The following KRT26 variants were observed in gnomAD, a reference collection of about 807,000 sequenced individuals.
KRT26 encodes the protein keratin 26.
Under a neutral mutation model 46.1 loss-of-function variants are expected in KRT26, and 45 were observed. That is an observed-to-expected ratio of 0.98 (90% CI 0.77 to 1.25). KRT26 has a LOEUF of 1.25. Ranked by LOEUF, KRT26 falls within the 50% of genes most tolerant of loss-of-function variation. The pLI, the probability that KRT26 is intolerant of heterozygous loss-of-function variation, is 0.00. For synonymous variants in KRT26, 191 were observed against 209.9 expected (o/e 0.91, Z 0.78); for missense variants, 582 against 560.1 (o/e 1.04, Z -0.39).
chr17:40,771,905 CCAGCA>C lies in KRT26; in HGVS notation c.204_208del (p.Cys68TrpfsTer6). The C allele has an allele frequency of 1.9e-6, 3 of 1,614,148 alleles. No individual in the cohort carries two copies. Among genetic ancestry groups the C allele is most frequent in the Non-Finnish European group, 2.5e-6 (3 of 1,180,020 alleles). On this transcript the variant is annotated frameshift_variant, in exon 1 of 8. Transcript: ENST00000335552. LOFTEE classifies it high-confidence loss of function. ...GAGGCTGTGCTCATTGCCAAGAAAA[CCAGCA>C]CAGGCACCACTTCCCAACCCTCCAC...
At position 40,771,705 on chromosome 17, in the gene KRT26, A is replaced by T. The variant is rs755325810; in HGVS notation, c.409T>A (p.Tyr137Asn). The change falls in exon 1 of 8, where the codon TAC (tyrosine) becomes AAC (asparagine). Residue 137 changes from tyrosine to asparagine, a missense_variant. Physicochemically the swap from Tyr to Asn is moderately radical, Grantham distance 143. Transcript: ENST00000335552. Reference sequence around the variant, plus strand: ...TTAAGATCTTCTATGACTGAGAAGTATCTGCTATAGTCATGATCGTGTTCC... The same window carrying T: ...TTAAGATCTTCTATGACTGAGAAGTTTCTGCTATAGTCATGATCGTGTTCC... 6 of 1,613,936 alleles carry T rather than the reference A, an allele frequency of 3.7e-6. No individual in the cohort carries two copies. The highest frequency in any genetic ancestry group is 1.1e-5 in the South Asian group (1 of 91,076).
chr17:40,766,714 A>C, intron 7 of KRT26, 48 bp from the exon 8 acceptor site: 1 of 1,370,082 alleles, frequency 7.3e-7, no homozygotes, highest in Non-Finnish European at 1.0e-6. Context: ...TAACAGGTTG[A>C]AAAGTAGCCA....
In KRT26 at chr17:40,771,245, G is replaced by T; in HGVS notation, c.442-9C>A. Reference sequence around the variant, plus strand: ...ATGGTCGCAGAAATAATCTAAATAGGGAAGATTGTGAAAAATGTTAATTAC... The same window carrying T: ...ATGGTCGCAGAAATAATCTAAATAGTGAAGATTGTGAAAAATGTTAATTAC... On this transcript the variant is annotated splice_polypyrimidine_tract_variant and intron_variant, in intron 1 of 7. Transcript: ENST00000335552. 6.6e-7 allele frequency: 1 copy of T among 1,518,346 alleles called. No homozygotes were observed. Among genetic ancestry groups the T allele is most frequent in the Non-Finnish European group, 9.1e-7 (1 of 1,101,178 alleles). 94.1% of individuals were successfully genotyped at this position (1,518,346 alleles called of 1,614,324 possible).
At chr17:40,771,772 C>A (rs1288361490) in exon 1 of KRT26, 1 of 1,614,198 alleles carries the variant, frequency 6.2e-7, no homozygotes, top group Non-Finnish European at 8.5e-7. Flanking sequence ...AGCCCTTGAT[C>A]TTCTGCTCCA....
At position 40,772,017 on chromosome 17, in the gene KRT26, C is replaced by G. The variant is rs775506376; in HGVS notation, c.97G>C (p.Val33Leu). 5.0e-6 allele frequency: 8 copies of G among 1,614,084 alleles called. No homozygotes were observed. The Admixed American group carries it at 1.2e-4, about 24-fold the overall frequency. The change falls in exon 1 of 8, where the codon GTG (valine) becomes CTG (leucine). Residue 33 changes from valine to leucine, a missense_variant. Coordinates refer to ENST00000335552, the Ensembl canonical transcript of KRT26. ...CTTCTTGCTCCCGATCCAACACACACATTCCCAGCCACGAAGCCTGTTCCT... is the reference window on the plus strand; with the variant it reads ...CTTCTTGCTCCCGATCCAACACACAGATTCCCAGCCACGAAGCCTGTTCCT...
chr17:40,770,521 G>T, intron 2 of KRT26, 112 bp from the exon 3 acceptor site: 1 of 795,678 alleles, frequency 1.3e-6, no homozygotes, highest in Non-Finnish European at 1.9e-6. Context: ...TACCTCTGAA[G>T]CTTCTTGCAA....
exon 8 of KRT26, chr17:40,766,609 T>C (rs1471225221): frequency 1.2e-6 from 2 of 1,613,238 alleles, no homozygotes; most frequent in South Asian, 1.1e-5. Context: ...TGAAAGGAGA[T>C]TGCCAATTTG....
chr17:40,768,982 C>A lies in KRT26; in HGVS notation c.1084G>T (p.Glu362Ter). ...TACTCCAGCTTCTGGCCTTCTGTTTCTGTTCGAATCTGTTGCAGTTGTTCC... is the reference window on the plus strand; with the variant it reads ...TACTCCAGCTTCTGGCCTTCTGTTTATGTTCGAATCTGTTGCAGTTGTTCC... The change falls in exon 6 of 8, where the codon GAA (glutamate) becomes TAA (stop). Residue 362 changes from glutamate (E) to a stop codon, truncating the protein, a stop_gained. Transcript: ENST00000335552. LOFTEE classifies it high-confidence loss of function. 6.2e-7 allele frequency: 1 copy of A among 1,612,922 alleles called. No homozygotes were observed. Among genetic ancestry groups the A allele is most frequent in the Non-Finnish European group, 8.5e-7 (1 of 1,179,618 alleles).
chr17:40,772,047 C>A, exon 1 of KRT26: 1 of 1,614,164 alleles, frequency 6.2e-7, no homozygotes, highest in Non-Finnish European at 8.5e-7. Flanking sequence ...GTTCCTCCAC[C>A]GGACAGCCTA....
chr17:40,771,166 T>G, exon 2 of KRT26: 1 of 1,592,126 alleles, frequency 6.3e-7, no homozygotes, highest in Non-Finnish European at 8.6e-7. Context: ...CAGCCTGAAG[T>G]CATCAGCGGT....
At chr17:40,769,145 T>C (rs1012882147) in intron 5 of KRT26, 49 bp from the exon 6 acceptor site, 1 of 1,177,568 alleles carries the variant, frequency 8.5e-7, no homozygotes, top group South Asian at 1.3e-5. Context: ...AGAAATGGCA[T>C]GGTCATCTTA....
intron 5 of KRT26, 46 bp from the exon 6 acceptor site, chr17:40,769,142 G>A (rs752448302): frequency 1.7e-6 from 2 of 1,210,476 alleles, no homozygotes; most frequent in South Asian, 1.3e-5. Context: ...AAGAGAAATG[G>A]CATGGTCATC....
In KRT26 at chr17:40,771,767, T is replaced by C. The variant is rs73985745; in HGVS notation, c.347A>G (p.Lys116Arg). The C allele has an allele frequency of 6.5e-3, 10,423 of 1,614,206 alleles. 74 individuals carry two copies. The highest frequency in any genetic ancestry group is 0.05 in the Middle Eastern group (302 of 6,062). Reference sequence around the variant, plus strand: ...AGGCTCACATTTCTCGTACCAGCCCTTGATCTTCTGCTCCAGGTCTGCGTT... The same window carrying C: ...AGGCTCACATTTCTCGTACCAGCCCCTGATCTTCTGCTCCAGGTCTGCGTT... Residue 116 changes from lysine (K) to arginine (R), a missense_variant, in exon 1 of 8, where the codon AAG becomes AGG. Transcript: ENST00000335552.
At position 40,770,243 on chromosome 17, in the gene KRT26, G is replaced by A. The variant is rs780910387; in HGVS notation, c.681+10C>T. 6.2e-7 allele frequency: 1 copy of A among 1,614,080 alleles called. No individual in the cohort carries two copies. Among genetic ancestry groups the A allele is most frequent in the Non-Finnish European group, 8.5e-7 (1 of 1,179,972 alleles). On this transcript the variant is annotated intron_variant, in intron 3 of 7. Coordinates refer to ENST00000335552, the Ensembl canonical transcript of KRT26. ...GAAACTGTATGAAGCCACTCTGCAG[G>A]CTTCCTTACCTCCTCATGACTTTTT... is the stretch of plus-strand genomic sequence containing the variant.
At chr17:40,767,556 T>C (rs776991240) in intron 7 of KRT26, 30 bp downstream of exon 7, 2 of 1,391,096 alleles carry the variant, frequency 1.4e-6, no homozygotes, top group Non-Finnish European at 2.0e-6. Flanking sequence ...GTTTAAGGAG[T>C]TACACCAGGT....
intron 1 of KRT26, 141 bp from the exon 2 acceptor site, chr17:40,771,377 T>C: frequency 1.7e-6 from 1 of 600,202 alleles, no homozygotes; most frequent in Non-Finnish European, 2.9e-6. Context: ...CTGGATTTTC[T>C]TCAGATAATA....
At chr17:40,769,977 G>C (rs772993919) in exon 4 of KRT26, 3 of 1,614,124 alleles carry the variant, frequency 1.9e-6, no homozygotes, top group Non-Finnish European at 2.5e-6. Flanking sequence ...GTTGAACCAG[G>C]CTTCAGCATC....
chr17:40,768,950 C>T, exon 6 of KRT26: 1 of 1,612,184 alleles, frequency 6.2e-7, no homozygotes, highest in South Asian at 1.1e-5. Flanking sequence ...CATCAAGAAG[C>T]TGTTCATACT....
At chr17:40,767,080 A>G (rs12452610) in intron 7 of KRT26, among the ~76,000 whole-genome samples, 4,763 of 152,318 alleles carry the variant, frequency 0.031, 430 homozygotes, top group East Asian at 0.19. Context: ...GCAAGTTTGC[A>G]GTAAATCGAT....
Sources: gnomAD v4.1 joint callset for allele counts (sites outside exome capture counted in the v4.1 genomes callset) on GRCh38, gnomAD v4.1.1 for gene constraint, MANE v1.5 for transcripts, NCBI Gene and HGNC (gene_info 2026-07-23, HGNC 2026-07-21) for gene names.